ATRX: variants seen among roughly 807,000 people sequenced by gnomAD.
ATRX encodes the protein ATRX chromatin remodeler.
A neutral mutation model predicts 172.6 loss-of-function variants in ATRX; 12 were observed. The observed-to-expected ratio is 0.07, with a 90% confidence interval of 0.04 to 0.11. The LOEUF (loss-of-function observed/expected upper bound fraction) is 0.11. Ranked by LOEUF, ATRX falls within the 10% of genes least tolerant of loss-of-function variation. The pLI is 1.00. For synonymous variants in ATRX, 674 were observed against 594.7 expected, an observed-to-expected ratio of 1.13 and a Z score of -1.94; for missense variants, 1,368 against 1,767.4, an observed-to-expected ratio of 0.77 and a Z score of 4.05.
intron 1 of ATRX, among the ~76,000 whole-genome samples, chrX:77,762,552 A>G (rs978092354): frequency 2.7e-5 from 3 of 111,346 alleles, no homozygotes; most frequent in African/African-American, 6.5e-5. Flanking sequence ...AACTTCAGAT[A>G]TAACAGTCTT....
intron 1 of ATRX, among the ~76,000 whole-genome samples, chrX:77,722,433 T>C (rs2073821987): frequency 9.0e-6 from 1 of 111,183 alleles, no homozygotes; most frequent in Non-Finnish European, 1.9e-5. Context: ...TTTTTTGTGA[T>C]CTATCCATCT....
intron 1 of ATRX, among the ~76,000 whole-genome samples, chrX:77,779,077 G>A (rs1295717743): frequency 2.0e-5 from 2 of 100,551 alleles, no homozygotes; most frequent in African/African-American, 3.7e-5. Context: ...ACAGGCGCCC[G>A]CCACCATGCC....
intron 1 of ATRX, among the ~76,000 whole-genome samples, chrX:77,778,593 C>T (rs1276835402): frequency 1.8e-5 from 2 of 108,466 alleles, no homozygotes; most frequent in African/African-American, 6.7e-5. Flanking sequence ...TGGTGGCACA[C>T]GCCTGTAGTC....
intron 17 of ATRX, 68 bp from the exon 18 acceptor site, chrX:77,633,780 TA>T (rs782615601): frequency 8.4e-6 from 9 of 1,066,662 alleles, no homozygotes; most frequent in Non-Finnish European, 1.2e-5. Flanking sequence ...TAAGCAATCT[TA>T]CAATATTATA....
In ATRX at chrX:77,699,011, A is replaced by C. The variant is rs782126441; in HGVS notation, c.134-382T>G. 7.0e-4 allele frequency: 111 copies of C among 158,510 alleles called. 1 individual carries two copies. The highest frequency in any genetic ancestry group is 3.5e-3 in the South Asian group (27 of 7,798). The allele number at this position is 158,510 out of a possible 1,213,427, so 13.1% of individuals were successfully genotyped here. ...ATACTGGGAAAATAAGAGCAAACTA[A>C]ACCAAAATCAAGGAGAAGGAAATAA... On this transcript the variant is annotated intron_variant, in intron 2 of 34. Coordinates refer to ENST00000373344, the MANE Select transcript of ATRX (RefSeq NM_000489.6).
At chrX:77,662,042 A>C (rs1209688030) in intron 12 of ATRX, among the ~76,000 whole-genome samples, 1 of 111,411 alleles carries the variant, frequency 9.0e-6, no homozygotes, top group Admixed American at 9.6e-5. Context: ...CCACATTTTG[A>C]ATTTAATCTG....
At chrX:77,719,257 A>G (rs1466976868) in intron 1 of ATRX, among the ~76,000 whole-genome samples, 2 of 111,451 alleles carry the variant, frequency 1.8e-5, no homozygotes, top group Non-Finnish European at 3.8e-5. Context: ...TAAACAACAA[A>G]AAGACAACCC....
chrX:77,635,372 T>C (rs2068299434), intron 16 of ATRX, among the ~76,000 whole-genome samples: 2 of 111,718 alleles, frequency 1.8e-5, no homozygotes, highest in South Asian at 3.7e-4. Flanking sequence ...TTTGAGTTTA[T>C]TGAGTCAATC....
Position 77,739,260 on chromosome X carries a change from T to C in ATRX, c.21-22017A>G, listed in dbSNP as rs2074745526. ...GATGTTTGGTTTTCCATTCCTGAGT[T>C]ACTTCACTTAGAATAATAGTCTCCA... is the stretch of plus-strand genomic sequence containing the variant. On this transcript the variant is annotated intron_variant, in intron 1 of 34. Transcript: ENST00000373344. Among the ~76,000 whole-genome samples, 3 of 110,673 alleles carry C rather than the reference T, an allele frequency of 2.7e-5. No homozygotes were observed. In the South Asian group the frequency reaches 1.1e-3, roughly 42 times the overall value.
chrX:77,736,170 A>C (rs2074553970), intron 1 of ATRX, among the ~76,000 whole-genome samples: 1 of 111,601 alleles, frequency 9.0e-6, no homozygotes, highest in Non-Finnish European at 1.9e-5. Flanking sequence ...AATTTTCTTG[A>C]ACAATACCCC....
At chrX:77,610,450 G>T (rs1455967043) in intron 22 of ATRX, among the ~76,000 whole-genome samples, 2 of 111,674 alleles carry the variant, frequency 1.8e-5, no homozygotes, top group African/African-American at 3.3e-5. Flanking sequence ...AAATGATCAG[G>T]AATGTGGAAG....
intron 30 of ATRX, among the ~76,000 whole-genome samples, chrX:77,539,145 G>T (rs782038544): frequency 9.1e-6 from 1 of 110,052 alleles, no homozygotes; most frequent in African/African-American, 3.3e-5. Flanking sequence ...CGCCTGCCTC[G>T]GCCTCCTAAA....
chrX:77,732,063 C>T (rs1044642169), intron 1 of ATRX, among the ~76,000 whole-genome samples: 1 of 112,030 alleles, frequency 8.9e-6, no homozygotes, highest in Non-Finnish European at 1.9e-5. Flanking sequence ...ACTAAAGGAG[C>T]ACTGTTAACA....
Position 77,758,742 on chromosome X carries a change from A to G in ATRX, c.20+27240T>C, listed in dbSNP as rs1394228436. Among the ~76,000 whole-genome samples, 3 of 109,080 alleles carry G rather than the reference A, an allele frequency of 2.8e-5. No individual in the cohort carries two copies. In the Admixed American group the frequency reaches 3.0e-4, roughly 11 times the overall value. 94.7% of individuals were successfully genotyped at this position (109,080 alleles called of 115,157 possible). A position where few individuals can be genotyped will look rare whatever the true frequency, so the allele number is the denominator to read the frequency against. On this transcript the variant is annotated intron_variant, in intron 1 of 34. Transcript: ENST00000373344. Reference sequence around the variant, plus strand: ...CACTGCACTTTAGCCTGGGTGACAGAGCGAGATTCCATCTCAAAAAAAAAA... The same window carrying G: ...CACTGCACTTTAGCCTGGGTGACAGGGCGAGATTCCATCTCAAAAAAAAAA...
chrX:77,773,379 A>G (rs1193348825), intron 1 of ATRX, among the ~76,000 whole-genome samples: 2 of 111,200 alleles, frequency 1.8e-5, no homozygotes, highest in Admixed American at 9.7e-5. Flanking sequence ...ACTCTCCCCA[A>G]TTCTGTAGAA....
At chrX:77,749,932 G>C (rs1225710116) in intron 1 of ATRX, among the ~76,000 whole-genome samples, 8 of 109,939 alleles carry the variant, frequency 7.3e-5, no homozygotes, top group African/African-American at 2.6e-4. Flanking sequence ...GATGATTCAG[G>C]ACCACCCAAG....
intron 1 of ATRX, among the ~76,000 whole-genome samples, chrX:77,734,182 C>T (rs1318250512): frequency 1.9e-5 from 2 of 104,879 alleles, no homozygotes; most frequent in East Asian, 3.0e-4. Context: ...ACTCCAGCCT[C>T]GACAAAAGAG....
chrX:77,605,146 T>C (rs2066855573), intron 22 of ATRX, among the ~76,000 whole-genome samples: 1 of 112,168 alleles, frequency 8.9e-6, no homozygotes, highest in Non-Finnish European at 1.9e-5. Flanking sequence ...TTTATACGAA[T>C]AAAATTAAGA....
chrX:77,610,814 T>C (rs782007281), intron 22 of ATRX, among the ~76,000 whole-genome samples: 1 of 109,302 alleles, frequency 9.1e-6, no homozygotes. Context: ...TACCATAATA[T>C]AAACTATCCC....
Sources: allele counts gnomAD v4.1 joint callset (sites outside exome capture counted in the v4.1 genomes callset), GRCh38; gene constraint gnomAD v4.1.1; transcripts MANE v1.5; gene names NCBI Gene and HGNC (gene_info 2026-07-23, HGNC 2026-07-21).